The following DNAJC5 variants were observed in gnomAD, a reference collection of about 807,000 sequenced individuals.
DNAJC5 encodes the protein DnaJ heat shock protein family (Hsp40) member C5.
A neutral mutation model predicts 23.2 loss-of-function variants in DNAJC5; 1 was observed. The ratio of observed to expected loss-of-function variants is 0.04; its 90% CI spans 0.02 to 0.20. The LOEUF is 0.20. Ranked by LOEUF, DNAJC5 falls within the 10% of genes least tolerant of loss-of-function variation. DNAJC5 has a pLI of 1.00. For missense variants in DNAJC5, 180 were observed against 267.0 expected (o/e 0.67, Z 2.27); for synonymous variants, 136 against 120.0 (o/e 1.13, Z -0.87).
At chr20:63,908,086 C>T (rs1028913122) in intron 1 of DNAJC5, among the ~76,000 whole-genome samples, 3 of 152,130 alleles carry the variant, frequency 2.0e-5, no homozygotes, top group Non-Finnish European at 4.4e-5. Flanking sequence ...GCATGTTTTA[C>T]GGTTGGCTTG....
At chr20:63,899,731 G>A (rs1164284258) in intron 1 of DNAJC5, among the ~76,000 whole-genome samples, 3 of 152,014 alleles carry the variant, frequency 2.0e-5, no homozygotes, top group Middle Eastern at 3.4e-3. Context: ...ACAGGCGGTC[G>A]CCACCACGCC....
chr20:63,927,548 AAAAG>A (rs1237096775), intron 1 of DNAJC5, among the ~76,000 whole-genome samples: 8 of 141,104 alleles, frequency 5.7e-5, no homozygotes, highest in African/African-American at 1.3e-4. Context: ...CCCCCCCCAA[AAAAG>A]AAAGAAAGAA....
At position 63,924,052 on chromosome 20, in the gene DNAJC5, C is replaced by T. The variant is rs144692077; in HGVS notation, c.-11-4283C>T. Among the ~76,000 whole-genome samples, 542 of 152,168 alleles carry T rather than the reference C, an allele frequency of 3.6e-3. 3 individuals carry two copies. Among genetic ancestry groups the T allele is most frequent in the African/African-American group, 0.012 (490 of 41,522 alleles). ...TTCTGCTGTTGTGTGTGTGTCTTTT[C>T]CTCAGTACCAGATGGTCTTGATTAC... On this transcript the variant is annotated intron_variant, in intron 1 of 4. Coordinates refer to ENST00000360864, the MANE Select transcript of DNAJC5 (RefSeq NM_025219.3).
chr20:63,897,989 T>C (rs1053308804), intron 1 of DNAJC5, among the ~76,000 whole-genome samples: 1 of 152,192 alleles, frequency 6.6e-6, no homozygotes, highest in Non-Finnish European at 1.5e-5. Context: ...TTTCCTCAGT[T>C]CCCCTTGCTT....
intron 1 of DNAJC5, among the ~76,000 whole-genome samples, chr20:63,905,302 G>A (rs1227599976): frequency 6.6e-6 from 1 of 150,492 alleles, no homozygotes; most frequent in African/African-American, 2.4e-5. Flanking sequence ...TTTTACTAGA[G>A]ATGGGGTTTC....
chr20:63,915,106 C>A (rs757922413), intron 1 of DNAJC5, among the ~76,000 whole-genome samples: 1 of 152,128 alleles, frequency 6.6e-6, no homozygotes, highest in African/African-American at 2.4e-5. Flanking sequence ...CTCCTGGGAC[C>A]TGGGGCACTG....
At chr20:63,897,601 C>T (rs2053383502) in intron 1 of DNAJC5, among the ~76,000 whole-genome samples, 1 of 152,054 alleles carries the variant, frequency 6.6e-6, no homozygotes, top group African/African-American at 2.4e-5. Flanking sequence ...GTCAGATCTG[C>T]CAGTGGTAAT....
chr20:63,896,795 A>G (rs2053378495), intron 1 of DNAJC5, among the ~76,000 whole-genome samples: 1 of 152,190 alleles, frequency 6.6e-6, no homozygotes, highest in African/African-American at 2.4e-5. Context: ...TTTTGTGAAA[A>G]AAACAGTTGC....
Position 63,912,983 on chromosome 20 carries a change from T to C in DNAJC5, c.-11-15352T>C, listed in dbSNP as rs557291294. ...CAGGATAAAAGAAATGCCAGTTGTA[T>C]TTTATTTTTCGTATTTGTATTTTTA... On this transcript the variant is annotated intron_variant, in intron 1 of 4. Coordinates refer to ENST00000360864, the MANE Select transcript of DNAJC5 (RefSeq NM_025219.3). Among the ~76,000 whole-genome samples, 10 of 116,826 alleles carry C rather than the reference T, an allele frequency of 8.6e-5. No individual in the cohort carries two copies. The East Asian group carries it at 2.8e-3, about 32-fold the overall frequency. The allele number at this position is 116,826 out of a possible 152,430, so 76.6% of individuals were successfully genotyped here.
chr20:63,916,754 G>A (rs1295175819), intron 1 of DNAJC5, among the ~76,000 whole-genome samples: 1 of 152,138 alleles, frequency 6.6e-6, no homozygotes, highest in Non-Finnish European at 1.5e-5. Context: ...TCCCAGAGCA[G>A]CCTTCTGTAG....
chr20:63,909,710 C>A (rs567154715), intron 1 of DNAJC5, among the ~76,000 whole-genome samples: 2 of 152,272 alleles, frequency 1.3e-5, no homozygotes, highest in South Asian at 4.1e-4. Flanking sequence ...AAAAAGTCTT[C>A]CCCGTGAGAG....
chr20:63,925,211 C>T (rs1270695744), intron 1 of DNAJC5, among the ~76,000 whole-genome samples: 1 of 152,128 alleles, frequency 6.6e-6, no homozygotes, highest in African/African-American at 2.4e-5. Flanking sequence ...AGAGGCCGGG[C>T]ACGGTGGCTC....
Position 63,920,749 on chromosome 20 carries a change from C to T in DNAJC5, c.-11-7586C>T, listed in dbSNP as rs1236478773. Among the ~76,000 whole-genome samples, 1 of 151,336 alleles carries T rather than the reference C, an allele frequency of 6.6e-6. No individual in the cohort carries two copies. The highest frequency in any genetic ancestry group is 1.5e-5 in the Non-Finnish European group (1 of 67,798). ...CTGGAGTGCAGTGGTGAGATCTCGG[C>T]TCACTGCAACCTCCCCCTCGAGGGT... On this transcript the variant is annotated intron_variant, in intron 1 of 4. Transcript: ENST00000360864. This position sits in a 1 kb window ranked among gnomAD's most constrained non-coding sequence, Gnocchi z 4.6.
At chr20:63,905,623 A>G (rs1415155958) in intron 1 of DNAJC5, among the ~76,000 whole-genome samples, 1 of 149,550 alleles carries the variant, frequency 6.7e-6, no homozygotes, top group Non-Finnish European at 1.5e-5. Context: ...GCTGGAGTGC[A>G]ATGATGTGAT....
At chr20:63,919,471 G>A (rs2427556) in intron 1 of DNAJC5, 44,032 of 327,970 alleles carry the variant, frequency 0.13, 3,790 homozygotes, top group East Asian at 0.57. Flanking sequence ...CCCAGGGCCC[G>A]GGACAGCGCC....
At chr20:63,913,519 T>C (rs2053496867) in intron 1 of DNAJC5, among the ~76,000 whole-genome samples, 1 of 150,376 alleles carries the variant, frequency 6.6e-6, no homozygotes, top group Non-Finnish European at 1.5e-5. Flanking sequence ...GCCTCAGTCT[T>C]CTGAGTAGCT....
rs576350099 is a variant in DNAJC5 at position 63,928,650 on chromosome 20, G to A, written c.107+198G>A. 1.3e-5 allele frequency among the ~76,000 whole-genome samples: 2 copies of A among 152,232 alleles called. No homozygotes were observed. The highest frequency in any genetic ancestry group is 4.1e-4 in the South Asian group (2 of 4,826). ...AAAGTTATGGTATTCATGTTCTCTT[G>A]CCAACAAAAAATAGCACTTAGTAGA... On this transcript the variant is annotated intron_variant, in intron 2 of 4. Coordinates refer to ENST00000360864, the MANE Select transcript of DNAJC5 (RefSeq NM_025219.3). The surrounding 1 kb of genome is among the most constrained non-coding windows in gnomAD (Gnocchi z 4.6).
chr20:63,915,774 G>C (rs1285286367), intron 1 of DNAJC5, among the ~76,000 whole-genome samples: 2 of 152,216 alleles, frequency 1.3e-5, no homozygotes, highest in African/African-American at 4.8e-5. Flanking sequence ...TCCACTCTTA[G>C]GTATACACCA....
At position 63,928,362 on chromosome 20, in the gene DNAJC5, A is replaced by G. The variant is rs200104219; in HGVS notation, c.17A>G (p.Gln6Arg). MADQR[Q>R]RSLSTSGESL... Reference sequence around the variant, plus strand: ...TAGCCTAACATGGCAGACCAGAGACAGCGCTCACTGTCTACCTCTGGGGAG... The same window carrying G: ...TAGCCTAACATGGCAGACCAGAGACGGCGCTCACTGTCTACCTCTGGGGAG... Residue 6 changes from glutamine (Q) to arginine (R), a missense_variant, in exon 2 of 5, where the codon CAG (glutamine) becomes CGG (arginine). By Grantham distance (43) the Gln-to-Arg change is conservative (BLOSUM62 1). Coordinates refer to ENST00000360864, the MANE Select transcript of DNAJC5 (RefSeq NM_025219.3). This position sits in a 1 kb window ranked among gnomAD's most constrained non-coding sequence, Gnocchi z 4.6. The G allele has an allele frequency of 6.2e-7, 1 of 1,613,994 alleles. No individual in the cohort carries two copies. Among genetic ancestry groups the G allele is most frequent in the South Asian group, 1.1e-5 (1 of 91,080 alleles).
Sources: allele counts gnomAD v4.1 joint callset (sites outside exome capture counted in the v4.1 genomes callset), GRCh38; gene constraint gnomAD v4.1.1; non-coding constraint Gnocchi (gnomAD v3.1); transcripts MANE v1.5; gene names NCBI Gene and HGNC (gene_info 2026-07-23, HGNC 2026-07-21).